DPYD: variants seen among roughly 807,000 people sequenced by gnomAD.
The protein encoded by DPYD is dihydropyrimidine dehydrogenase [NADP(+)].
In DPYD, 109 loss-of-function variants were observed where a neutral mutation model predicts 116.2. The ratio of observed to expected loss-of-function variants is 0.94; its 90% confidence interval spans 0.80 to 1.10. The LOEUF (loss-of-function observed/expected upper bound fraction) is 1.10, where lower values mean the gene tolerates loss of function less well. Among genes scored for constraint, DPYD ranks in the 50% least tolerant of loss-of-function variants. The pLI is 0.00. For synonymous variants in DPYD, 440 were observed against 432.0 expected, an observed-to-expected ratio of 1.02 and a Z score of -0.23; for missense variants, 1,302 against 1,254.5, an observed-to-expected ratio of 1.04 and a Z score of -0.57.
chr1:97,457,518 G>A (rs1189107450), intron 13 of DPYD, among the ~76,000 whole-genome samples: 6 of 151,990 alleles, frequency 3.9e-5, no homozygotes, highest in Non-Finnish European at 7.4e-5. Context: ...CTCATCTGCC[G>A]ATCCGGATAA....
At chr1:97,556,483 C>T (rs1203165595) in intron 11 of DPYD, among the ~76,000 whole-genome samples, 12 of 141,466 alleles carry the variant, frequency 8.5e-5, no homozygotes, top group Non-Finnish European at 1.4e-4. Flanking sequence ...TTAGGTATAT[C>T]TCCCAATGCT....
chr1:97,846,756 T>C (rs1198258639), intron 2 of DPYD, among the ~76,000 whole-genome samples: 1 of 152,268 alleles, frequency 6.6e-6, no homozygotes, highest in African/African-American at 2.4e-5. Flanking sequence ...GAAATAGTTA[T>C]GTAGCATCAT....
intron 12 of DPYD, among the ~76,000 whole-genome samples, chr1:97,533,345 G>T (rs1305676165): frequency 6.6e-6 from 1 of 152,016 alleles, no homozygotes; most frequent in Non-Finnish European, 1.5e-5. Flanking sequence ...TCTGTTCAAA[G>T]AATAAAACAG....
intron 3 of DPYD, among the ~76,000 whole-genome samples, chr1:97,811,990 T>G (rs1241581113): frequency 1.3e-5 from 2 of 152,200 alleles, no homozygotes; most frequent in East Asian, 3.8e-4. Context: ...CATCTCTTTC[T>G]GGTGATAACT....
chr1:97,317,467 T>C (rs572639689), intron 16 of DPYD, among the ~76,000 whole-genome samples: 4 of 152,134 alleles, frequency 2.6e-5, no homozygotes, highest in East Asian at 3.9e-4. Context: ...CAAGTGTGTA[T>C]GTAAATGTAT....
intron 3 of DPYD, among the ~76,000 whole-genome samples, chr1:97,751,772 A>AC (rs1553233297): frequency 6.9e-6 from 1 of 144,812 alleles, no homozygotes; most frequent in Non-Finnish European, 1.5e-5. Context: ...TCTAAAAACG[A>AC]TTTTTTTTTT....
chr1:97,896,808 T>C (rs922976101), intron 1 of DPYD, among the ~76,000 whole-genome samples: 2 of 151,904 alleles, frequency 1.3e-5, no homozygotes, highest in African/African-American at 2.4e-5. Context: ...ATACAATATG[T>C]TGTTTTTTTG....
chr1:97,703,937 G>C (rs191014497), intron 5 of DPYD, among the ~76,000 whole-genome samples: 3 of 151,974 alleles, frequency 2.0e-5, no homozygotes, highest in Admixed American at 2.0e-4. Context: ...ATCAGCACTA[G>C]AGCTGGTCCT....
chr1:97,227,391 A>G (rs368421917), intron 19 of DPYD, among the ~76,000 whole-genome samples: 6 of 151,110 alleles, frequency 4.0e-5, no homozygotes, highest in African/African-American at 1.5e-4. Flanking sequence ...GAAAAGCAAT[A>G]ATTGCCCAAT....
intron 8 of DPYD, among the ~76,000 whole-genome samples, chr1:97,622,906 T>C (rs1012886649): frequency 5.3e-5 from 8 of 152,076 alleles, no homozygotes; most frequent in African/African-American, 1.9e-4. Flanking sequence ...AATAGTTTCA[T>C]GAAAAGAATG....
intron 4 of DPYD, among the ~76,000 whole-genome samples, chr1:97,730,439 G>A (rs1194628493): frequency 6.6e-6 from 1 of 151,990 alleles, no homozygotes; most frequent in African/African-American, 2.4e-5. Context: ...GGCCAGGCTG[G>A]TCTTGAACTC....
intron 5 of DPYD, among the ~76,000 whole-genome samples, chr1:97,703,492 T>C (rs780597599): frequency 1.3e-5 from 2 of 152,044 alleles, no homozygotes; most frequent in Non-Finnish European, 1.5e-5. Flanking sequence ...ATATAGCAAA[T>C]GTTATCTACT....
chr1:97,583,480 C>T (rs1218084857), intron 10 of DPYD, among the ~76,000 whole-genome samples: 7 of 152,204 alleles, frequency 4.6e-5, no homozygotes, highest in Admixed American at 1.3e-4. Flanking sequence ...CACAAAACTA[C>T]GTTCTGTGTA....
At position 97,277,414 on chromosome 1, in the gene DPYD, T is replaced by C. The variant is rs562934063; in HGVS notation, c.2299+27845A>G. On this transcript the variant is annotated intron_variant, in intron 18 of 22. Transcript: ENST00000370192. ...ACACAAAAAACACAAAACAAACAAA[T>C]AAACAAACAAACAAAATGCCCCTCA... 1.0e-4 allele frequency among the ~76,000 whole-genome samples: 15 copies of C among 150,182 alleles called. No individual in the cohort carries two copies. The East Asian group carries it at 2.3e-3, about 23-fold the overall frequency.
At chr1:97,909,803 C>T (rs967329636) in intron 1 of DPYD, among the ~76,000 whole-genome samples, 1 of 152,172 alleles carries the variant, frequency 6.6e-6, no homozygotes, top group Admixed American at 6.6e-5. Context: ...TCAATAATTC[C>T]TCAATTTCTA....
intron 12 of DPYD, chr1:97,545,976 G>A: frequency 7.6e-7 from 1 of 1,309,172 alleles, no homozygotes; most frequent in Non-Finnish European, 1.1e-6. Flanking sequence ...TGAAAAATAT[G>A]AAGAGGTTAT....
intron 8 of DPYD, among the ~76,000 whole-genome samples, chr1:97,616,919 C>A (rs2100760793): frequency 6.6e-6 from 1 of 152,104 alleles, no homozygotes; most frequent in East Asian, 1.9e-4. Context: ...CGGAGTCTCC[C>A]TCTGTTGCCG....
chr1:97,443,539 C>T (rs544269636), intron 14 of DPYD, among the ~76,000 whole-genome samples: 20 of 152,114 alleles, frequency 1.3e-4, no homozygotes, highest in South Asian at 4.1e-4. Flanking sequence ...ACTTGACAAG[C>T]TCAAAAAATT....
chr1:97,846,052 A>G (rs995564356), intron 2 of DPYD, among the ~76,000 whole-genome samples: 6 of 152,150 alleles, frequency 3.9e-5, no homozygotes, highest in Non-Finnish European at 7.4e-5. Context: ...CTGGGCAGGT[A>G]TGGGATCCAG....
Sources: gnomAD v4.1 joint callset for allele counts (sites outside exome capture counted in the v4.1 genomes callset) on GRCh38, gnomAD v4.1.1 for gene constraint, MANE v1.5 for transcripts, NCBI Gene and HGNC (gene_info 2026-07-23, HGNC 2026-07-21) for gene names.